WDR7: variants seen among roughly 807,000 people sequenced by gnomAD.
WDR7 encodes the protein WD repeat-containing protein 7.
WDR7 carries 46 observed loss-of-function variants against 169.4 expected under a neutral mutation model. The observed-to-expected ratio is 0.27, with a 90% CI of 0.21 to 0.35. WDR7 has a LOEUF of 0.35. Ranked by LOEUF, WDR7 falls within the 10% of genes least tolerant of loss-of-function variation. WDR7 has a pLI of 1.00. For synonymous variants in WDR7, 612 were observed against 666.8 expected (o/e 0.92, Z 1.27); for missense variants, 1,534 against 1,859.3 (o/e 0.83, Z 3.22).
intron 26 of WDR7, among the ~76,000 whole-genome samples, chr18:56,980,477 A>G (rs2047626728): frequency 6.6e-6 from 1 of 152,198 alleles, no homozygotes; most frequent in Non-Finnish European, 1.5e-5. Flanking sequence ...GCTGGGTTCT[A>G]TGTCAGGCAG....
chr18:56,691,389 G>C (rs1446785433), intron 8 of WDR7, 28 bp downstream of exon 8: 2 of 1,546,116 alleles, frequency 1.3e-6, no homozygotes, highest in Non-Finnish European at 1.7e-6. Context: ...AATTAGGACA[G>C]TCATCAAAAG....
At chr18:56,827,808 C>G (rs1410932951) in intron 20 of WDR7, among the ~76,000 whole-genome samples, 3 of 151,914 alleles carry the variant, frequency 2.0e-5, no homozygotes, top group Admixed American at 2.0e-4. Context: ...TGGAATATCT[C>G]ATGTACCCCA....
chr18:57,003,135 C>A (rs893272313), intron 26 of WDR7, among the ~76,000 whole-genome samples: 10 of 152,064 alleles, frequency 6.6e-5, no homozygotes, highest in African/African-American at 2.4e-4. Context: ...TTGTGAGATG[C>A]ATTAGTATAG....
chr18:56,696,100 C>T (rs141656664), intron 11 of WDR7, 142 bp from the exon 12 acceptor site: 6 of 687,978 alleles, frequency 8.7e-6, no homozygotes, highest in Non-Finnish European at 7.2e-6. Flanking sequence ...CTGAATTAGG[C>T]AGAGTTGTGT....
intron 26 of WDR7, among the ~76,000 whole-genome samples, chr18:56,993,843 C>A (rs2047854398): frequency 6.6e-6 from 1 of 152,070 alleles, no homozygotes; most frequent in African/African-American, 2.4e-5. Flanking sequence ...ACATATTTGG[C>A]AGAAATCAAA....
intron 21 of WDR7, among the ~76,000 whole-genome samples, chr18:56,923,006 G>A (rs2046748558): frequency 6.6e-6 from 1 of 152,130 alleles, no homozygotes; most frequent in Non-Finnish European, 1.5e-5. Flanking sequence ...ATAAGTTATG[G>A]AACCGTGGTT....
intron 21 of WDR7, among the ~76,000 whole-genome samples, chr18:56,901,265 T>C (rs1377786107): frequency 1.3e-5 from 2 of 152,196 alleles, no homozygotes; most frequent in African/African-American, 4.8e-5. Context: ...CTAATTATAT[T>C]CTCTATAAAT....
At chr18:56,771,899 A>G (rs1195621247) in intron 16 of WDR7, among the ~76,000 whole-genome samples, 1 of 151,616 alleles carries the variant, frequency 6.6e-6, no homozygotes, top group Non-Finnish European at 1.5e-5. Flanking sequence ...GAAGAAAAAA[A>G]AAATACAGAA....
At chr18:56,708,030 C>CTT (rs752679794) in intron 12 of WDR7, among the ~76,000 whole-genome samples, 16 of 132,812 alleles carry the variant, frequency 1.2e-4, no homozygotes, top group Non-Finnish European at 1.6e-4. Flanking sequence ...GTGTTTATTC[C>CTT]TTTTTTTTTT....
chr18:56,808,256 A>G (rs2145187026), intron 19 of WDR7, among the ~76,000 whole-genome samples: 1 of 152,316 alleles, frequency 6.6e-6, no homozygotes. Context: ...AGATACTCAC[A>G]TACTCCCTTA....
intron 16 of WDR7, among the ~76,000 whole-genome samples, chr18:56,765,244 G>A (rs1183874073): frequency 6.6e-6 from 1 of 151,868 alleles, no homozygotes; most frequent in East Asian, 1.9e-4. Flanking sequence ...TAATGTGATT[G>A]TTGATATGGT....
intron 16 of WDR7, 101 bp from the exon 17 acceptor site, chr18:56,776,681 T>G: frequency 2.2e-6 from 2 of 922,338 alleles, no homozygotes; most frequent in Non-Finnish European, 1.8e-6. Context: ...TTCTCTGTTT[T>G]GCCTACTTTG....
intron 19 of WDR7, among the ~76,000 whole-genome samples, chr18:56,795,129 G>A (rs889365594): frequency 1.3e-5 from 2 of 152,136 alleles, no homozygotes; most frequent in South Asian, 2.1e-4. Flanking sequence ...GGATTGAAAC[G>A]TATTTAGGTT....
intron 2 of WDR7, among the ~76,000 whole-genome samples, chr18:56,677,035 T>A (rs1255808135): frequency 6.6e-6 from 1 of 152,232 alleles, no homozygotes; most frequent in Non-Finnish European, 1.5e-5. Flanking sequence ...CACAACATAG[T>A]TACAGTGTTG....
At chr18:56,891,405 C>G (rs1205983308) in intron 21 of WDR7, among the ~76,000 whole-genome samples, 3 of 151,916 alleles carry the variant, frequency 2.0e-5, no homozygotes, top group Non-Finnish European at 4.4e-5. Context: ...TAGCTCCTAC[C>G]TCACAGTTAT....
At chr18:56,758,839 CTTGTA>C (rs776332383) in intron 15 of WDR7, 21 bp from the exon 16 acceptor site, 4 of 1,550,368 alleles carry the variant, frequency 2.6e-6, no homozygotes, top group African/African-American at 2.8e-5. Flanking sequence ...CAAAATATAT[CTTGTA>C]TTTTTTTCTT....
intron 19 of WDR7, among the ~76,000 whole-genome samples, chr18:56,814,303 A>G (rs544254459): frequency 2.0e-5 from 3 of 152,206 alleles, no homozygotes; most frequent in East Asian, 3.9e-4. Context: ...ATATTTTTTC[A>G]ATGTTTCTCT....
intron 12 of WDR7, among the ~76,000 whole-genome samples, chr18:56,716,023 A>T (rs1366421740): frequency 1.4e-5 from 2 of 138,118 alleles, no homozygotes; most frequent in Non-Finnish European, 3.1e-5. Flanking sequence ...CAACGTACAT[A>T]CGTAGCAGTG....
chr18:56,812,489 G>A (rs2044887188), intron 19 of WDR7, among the ~76,000 whole-genome samples: 1 of 152,188 alleles, frequency 6.6e-6, no homozygotes, highest in African/African-American at 2.4e-5. Flanking sequence ...ATTGGCTCAT[G>A]CAATTGGCTC....
Sources: gnomAD v4.1 joint callset for allele counts (sites outside exome capture counted in the v4.1 genomes callset) on GRCh38, gnomAD v4.1.1 for gene constraint, MANE v1.5 for transcripts, NCBI Gene and HGNC (gene_info 2026-07-23, HGNC 2026-07-21) for gene names.